Variants in PDE1A observed in about 807,000 individuals in gnomAD.
PDE1A encodes the protein phosphodiesterase 1A.
PDE1A carries 35 observed loss-of-function variants against 61.7 expected under a neutral mutation model. The ratio of observed to expected loss-of-function variants is 0.57; its 90% CI spans 0.43 to 0.75. PDE1A has a LOEUF of 0.75. Among genes scored for constraint, PDE1A ranks in the 30% least tolerant of loss-of-function variants. PDE1A has a pLI of 0.00. For missense variants in PDE1A, 597 were observed against 630.6 expected, an observed-to-expected ratio of 0.95 and a Z score of 0.57; for synonymous variants, 232 against 213.2, an observed-to-expected ratio of 1.09 and a Z score of -0.77.
intron 2 of PDE1A, among the ~76,000 whole-genome samples, chr2:182,496,137 G>A (rs187725648): frequency 2.0e-5 from 3 of 152,158 alleles, no homozygotes; most frequent in Admixed American, 2.0e-4. Context: ...TATCTCTTAA[G>A]TAACCTAGTT....
chr2:182,361,262 T>C (rs546742178), intron 1 of PDE1A, among the ~76,000 whole-genome samples: 1 of 152,248 alleles, frequency 6.6e-6, no homozygotes, highest in Non-Finnish European at 1.5e-5. Context: ...TAATGTTAGA[T>C]ATACGTAATG....
At chr2:182,211,698 T>A (rs899893861) in intron 7 of PDE1A, among the ~76,000 whole-genome samples, 1 of 152,220 alleles carries the variant, frequency 6.6e-6, no homozygotes, top group Non-Finnish European at 1.5e-5. Flanking sequence ...ACAGTTTTTC[T>A]TATAAAGGTC....
At chr2:182,449,667 T>A (rs1685385111) in intron 2 of PDE1A, among the ~76,000 whole-genome samples, 1 of 152,112 alleles carries the variant, frequency 6.6e-6, no homozygotes, top group Non-Finnish European at 1.5e-5. Context: ...CTACTTCTAT[T>A]TCTATAATTC....
chr2:182,417,623 T>A (rs1365459515), intron 1 of PDE1A, among the ~76,000 whole-genome samples: 1 of 152,166 alleles, frequency 6.6e-6, no homozygotes, highest in Non-Finnish European at 1.5e-5. Flanking sequence ...AGATTTTTCA[T>A]GAAAAATGAA....
intron 2 of PDE1A, among the ~76,000 whole-genome samples, chr2:182,262,955 ATGTGTGTGTGTGTGTGTGTGTG>A (rs60469609): frequency 6.8e-6 from 1 of 147,158 alleles, no homozygotes; most frequent in Admixed American, 6.8e-5. Flanking sequence ...TTATTAAACA[ATGTGTGTGTGTGTGTGTGTGTG>A]TGTGTGTGTG....
intron 1 of PDE1A, among the ~76,000 whole-genome samples, chr2:182,333,491 A>G (rs1180387612): frequency 6.6e-6 from 1 of 152,212 alleles, no homozygotes. Context: ...TTGGGTAAAT[A>G]ACGAAATTAA....
the PDE1A span, among the ~76,000 whole-genome samples, chr2:182,675,483 T>C: frequency 6.6e-6 from 1 of 152,196 alleles, no homozygotes; most frequent in Non-Finnish European, 1.5e-5. Flanking sequence ...ATAATGAGAT[T>C]GCTGGGTCAA....
intron 1 of PDE1A, among the ~76,000 whole-genome samples, chr2:182,284,392 A>G (rs1319082223): frequency 6.6e-6 from 1 of 152,176 alleles, no homozygotes; most frequent in African/African-American, 2.4e-5. Context: ...TAATAAGATG[A>G]CTGATAATTA....
At chr2:182,522,615 G>T in intron 1 of PDE1A, 1 of 1,292,042 alleles carries the variant, frequency 7.7e-7, no homozygotes, top group Non-Finnish European at 9.9e-7. Context: ...CAGATGCTCT[G>T]ACCTCACAAG....
intron 2 of PDE1A, among the ~76,000 whole-genome samples, chr2:182,438,076 T>C (rs1336885187): frequency 6.6e-6 from 1 of 151,900 alleles, no homozygotes; most frequent in Non-Finnish European, 1.5e-5. Flanking sequence ...GGTCAAGTTA[T>C]TCACCTTCCT....
intron 2 of PDE1A, among the ~76,000 whole-genome samples, chr2:182,497,906 C>T (rs780320236): frequency 5.3e-5 from 8 of 151,864 alleles, no homozygotes; most frequent in South Asian, 4.2e-4. Flanking sequence ...ATCAGCCGGG[C>T]GTGGTGGCAG....
intron 1 of PDE1A, among the ~76,000 whole-genome samples, chr2:182,420,644 C>A (rs1406989433): frequency 6.6e-6 from 1 of 152,070 alleles, no homozygotes; most frequent in Non-Finnish European, 1.5e-5. Context: ...TGTAAAAACT[C>A]TTCAAAAATA....
the PDE1A span, among the ~76,000 whole-genome samples, chr2:182,537,371 C>T: frequency 6.6e-6 from 1 of 152,096 alleles, no homozygotes; most frequent in Non-Finnish European, 1.5e-5. Flanking sequence ...AGCTGGAAAC[C>T]ATTATTCACA....
chr2:182,542,958 C>A, the PDE1A span, among the ~76,000 whole-genome samples: 2 of 152,308 alleles, frequency 1.3e-5, no homozygotes, highest in Admixed American at 1.3e-4. Flanking sequence ...TAAGCATTAT[C>A]ATTGATGTAC....
chr2:182,541,109 T>C, the PDE1A span, among the ~76,000 whole-genome samples: 1 of 152,164 alleles, frequency 6.6e-6, no homozygotes, highest in African/African-American at 2.4e-5. Flanking sequence ...TGTAAGAGGA[T>C]AGAGTTCAAA....
intron 2 of PDE1A, among the ~76,000 whole-genome samples, chr2:182,250,919 G>A (rs1264122090): frequency 6.6e-6 from 1 of 152,120 alleles, no homozygotes; most frequent in African/African-American, 2.4e-5. Flanking sequence ...GAATGTTGAG[G>A]GGAAGGGCCT....
chr2:182,657,524 T>A, the PDE1A span, among the ~76,000 whole-genome samples: 1 of 152,158 alleles, frequency 6.6e-6, no homozygotes, highest in African/African-American at 2.4e-5. Context: ...TACTCTACCT[T>A]CTCTTTCTAT....
chr2:182,642,208 T>TG, the PDE1A span, among the ~76,000 whole-genome samples: 1 of 152,232 alleles, frequency 6.6e-6, no homozygotes, highest in Admixed American at 6.5e-5. Context: ...AAGAAATATT[T>TG]GGGGCTCAAC....
At chr2:182,299,566 CAA>C (rs1324026075) in intron 1 of PDE1A, among the ~76,000 whole-genome samples, 1 of 150,732 alleles carries the variant, frequency 6.6e-6, no homozygotes, top group Non-Finnish European at 1.5e-5. Context: ...TCTGGACCTG[CAA>C]AAACAGCCTA....
Sources: allele counts gnomAD v4.1 joint callset (sites outside exome capture counted in the v4.1 genomes callset), GRCh38; gene constraint gnomAD v4.1.1; transcripts MANE v1.5; gene names NCBI Gene and HGNC (gene_info 2026-07-23, HGNC 2026-07-21).